Variants in PDPR observed in about 807,000 individuals in gnomAD.
PDPR encodes pyruvate dehydrogenase phosphatase regulatory subunit.
In PDPR, 50 loss-of-function variants were observed where a neutral mutation model predicts 102.2. The observed-to-expected ratio is 0.49, with a 90% confidence interval of 0.39 to 0.62. The LOEUF is 0.62. Ranked by LOEUF, PDPR falls within the 20% of genes least tolerant of loss-of-function variation. The pLI is 0.00. For synonymous variants in PDPR, 259 were observed against 406.0 expected, an observed-to-expected ratio of 0.64 and a Z score of 4.35; for missense variants, 625 against 1,098.2, an observed-to-expected ratio of 0.57 and a Z score of 6.09.
At chr16:70,129,309 A>G (rs534508237) in intron 6 of PDPR, among the ~76,000 whole-genome samples, 187 bp downstream of exon 6, 15 of 152,388 alleles carry the variant, frequency 9.8e-5, no homozygotes, top group Middle Eastern at 6.8e-3. Flanking sequence ...TCAGGGCCAC[A>G]TTTTTAAAGT....
At chr16:70,121,226 A>G (rs539636129) in intron 3 of PDPR, among the ~76,000 whole-genome samples, 1 of 151,976 alleles carries the variant, frequency 6.6e-6, no homozygotes, top group Admixed American at 6.6e-5. Flanking sequence ...TATGCTCTAT[A>G]GGCTTAGTTT....
At chr16:70,116,197 C>G (rs1213226348) in intron 2 of PDPR, among the ~76,000 whole-genome samples, 1 of 145,786 alleles carries the variant, frequency 6.9e-6, no homozygotes, top group African/African-American at 2.5e-5. Context: ...CTGTCTCAGC[C>G]TCCTGAGTAG....
rs777218193 is a variant in PDPR at position 70,156,858 on chromosome 16, G to A, written c.2619G>A (p.Leu873=). ...TQKRRKDDME[L]SDLHGK ...AGCGCCGAAAGGATGACATGGAGCT[G>A]AGTGACTTACATGGGAAGTGATGCC... The change falls in exon 19 of 19, where the codon CTG becomes CTA. Residue 873 remains leucine, a synonymous_variant. Coordinates refer to ENST00000288050, the MANE Select transcript of PDPR (RefSeq NM_017990.5). 1.2e-6 allele frequency: 2 copies of A among 1,613,800 alleles called. No individual in the cohort carries two copies. The highest frequency in any genetic ancestry group is 1.7e-6 in the Non-Finnish European group (2 of 1,179,796).
At position 70,156,560 on chromosome 16, in the gene PDPR, A is replaced by T; in HGVS notation, c.2321A>T (p.Asp774Val). 6.2e-7 allele frequency: 1 copy of T among 1,614,088 alleles called. No homozygotes were observed. Among genetic ancestry groups the T allele is most frequent in the Non-Finnish European group, 8.5e-7 (1 of 1,179,910 alleles). ...CGCCTCACCATGTTCATCCTGGACG[A>T]CCATGATTCAGACCTAGACCTTTGG... ...YKRLTMFILDDHDSDLDLWPW... is the reference protein window; with the variant it reads ...YKRLTMFILDVHDSDLDLWPW... Residue 774 changes from aspartate (D) to valine (V), a missense_variant, in exon 19 of 19, where the codon GAC (aspartate) becomes GTC (valine). By Grantham distance (152) the Asp-to-Val change is radical. Coordinates refer to ENST00000288050, the MANE Select transcript of PDPR (RefSeq NM_017990.5).
chr16:70,149,416 C>G (rs1001822747), intron 17 of PDPR, among the ~76,000 whole-genome samples: 2 of 152,228 alleles, frequency 1.3e-5, no homozygotes, highest in African/African-American at 4.8e-5. Flanking sequence ...CAGGTGCACG[C>G]CACCACGCCT....
At position 70,159,186 on chromosome 16, in the gene PDPR, A is replaced by T. The variant is rs889047388; in HGVS notation, c.*2307A>T. On this transcript the variant is annotated 3_prime_UTR_variant, in exon 19 of 19. Transcript: ENST00000288050. ...GTTAATCTCCAACTAATTACTACAG[A>T]TTGACACGTTTTTAATTAGCTGTCC... is the stretch of plus-strand genomic sequence containing the variant. The T allele has an allele frequency of 4.6e-5, 7 of 152,346 alleles. No homozygotes were observed. Among genetic ancestry groups the T allele is most frequent in the Non-Finnish European group, 7.3e-5 (5 of 68,066 alleles). 9.4% of individuals were successfully genotyped at this position (152,346 alleles called of 1,614,324 possible).
intron 3 of PDPR, among the ~76,000 whole-genome samples, chr16:70,122,273 C>T (rs1963398195): frequency 6.6e-6 from 1 of 152,280 alleles, no homozygotes; most frequent in African/African-American, 2.4e-5. Flanking sequence ...AGGCGCGAGC[C>T]ACCACACCTG....
At chr16:70,152,443 C>T (rs916763086) in intron 17 of PDPR, among the ~76,000 whole-genome samples, 11 of 152,376 alleles carry the variant, frequency 7.2e-5, no homozygotes, top group African/African-American at 2.2e-4. Context: ...CACTTGAACC[C>T]GGGAGTGGAG....
chr16:70,141,288 G>A (rs1318143242), intron 11 of PDPR, among the ~76,000 whole-genome samples: 2 of 152,214 alleles, frequency 1.3e-5, no homozygotes, highest in Admixed American at 6.5e-5. Flanking sequence ...TCCTGACCTC[G>A]TGATCCGCCC....
Position 70,148,546 on chromosome 16 carries a change from C to T in PDPR, c.2045C>T (p.Pro682Leu). 1.4e-5 allele frequency: 23 copies of T among 1,611,290 alleles called. No individual in the cohort carries two copies. Among genetic ancestry groups the T allele is most frequent in the Non-Finnish European group, 2.0e-5 (23 of 1,178,042 alleles). The change falls in exon 17 of 19, where the codon CCC (proline) becomes CTC (leucine). Residue 682 changes from proline (P) to leucine (L), a missense_variant. By Grantham distance (98) the Pro-to-Leu change is moderately conservative (BLOSUM62 -3). Coordinates refer to ENST00000288050, the MANE Select transcript of PDPR (RefSeq NM_017990.5). ...TGEPGFMLYIPIEYALHVYNE... is the reference protein window; with the variant it reads ...TGEPGFMLYILIEYALHVYNE... ...GAGCCAGGATTCATGCTCTACATCC[C>T]CATAGAGGTGAGAGGGCACCCTTCC...
intron 12 of PDPR, 52 bp from the exon 13 acceptor site, chr16:70,142,501 C>G: frequency 6.2e-7 from 1 of 1,613,126 alleles, no homozygotes; most frequent in South Asian, 1.1e-5. Flanking sequence ...GAAAAAGAAC[C>G]ACGTGGACTA....
In PDPR at chr16:70,128,553, C is replaced by T. The variant is rs2549099; in HGVS notation, c.362-231C>T. Among the ~76,000 whole-genome samples the T allele has an allele frequency of 6.6e-5, 10 of 152,346 alleles. No individual in the cohort carries two copies. The East Asian group carries it at 1.2e-3, about 18-fold the overall frequency. ...TAGAATCTCATTTGATCCTCACAAC[C>T]TCACAAAACTGTGAGCTGAGAATGT... is the stretch of plus-strand genomic sequence containing the variant. On this transcript the variant is annotated intron_variant, in intron 4 of 18. Coordinates refer to ENST00000288050, the MANE Select transcript of PDPR (RefSeq NM_017990.5).
Position 70,142,268 on chromosome 16 carries a change from C to T in PDPR, c.1350C>T (p.Asp450=). 1.2e-6 allele frequency: 2 copies of T among 1,614,022 alleles called. No homozygotes were observed. Among genetic ancestry groups the T allele is most frequent in the Middle Eastern group, 1.7e-4 (1 of 6,058 alleles). The change falls in exon 12 of 19, where the codon GAC becomes GAT. Residue 450 remains aspartate (D), a synonymous_variant. Coordinates refer to ENST00000288050, the MANE Select transcript of PDPR (RefSeq NM_017990.5). ...LMYDLKVPRW[D]FQTGRQLRTS... ...ATGATCTGAAGGTTCCCCGCTGGGACTTCCAGACCGGTAGGCAGTTACGCA... is the reference window on the plus strand; with the variant it reads ...ATGATCTGAAGGTTCCCCGCTGGGATTTCCAGACCGGTAGGCAGTTACGCA...
intron 10 of PDPR, among the ~76,000 whole-genome samples, chr16:70,137,447 T>C (rs535223925): frequency 6.6e-6 from 1 of 152,394 alleles, no homozygotes; most frequent in African/African-American, 2.4e-5. Context: ...GTTCCACTTA[T>C]ATGAAGTTGC....
chr16:70,156,156 C>T (rs1189228234), intron 18 of PDPR, among the ~76,000 whole-genome samples: 2 of 152,272 alleles, frequency 1.3e-5, no homozygotes, highest in Non-Finnish European at 2.9e-5. Flanking sequence ...AAGTACTGGA[C>T]TGATAAGGTA....
rs1363966774 is a variant in PDPR at position 70,157,051 on chromosome 16, C to G, written c.*172C>G. 3.4e-6 allele frequency: 3 copies of G among 886,508 alleles called. No homozygotes were observed. Among genetic ancestry groups the G allele is most frequent in the East Asian group, 2.7e-5 (1 of 37,264 alleles). 54.9% of individuals were successfully genotyped at this position (886,508 alleles called of 1,614,324 possible). On this transcript the variant is annotated 3_prime_UTR_variant, in exon 19 of 19. Coordinates refer to ENST00000288050, the MANE Select transcript of PDPR (RefSeq NM_017990.5). ...TACTTTAAACTTTTTTGCTCTGCAGCCTTCCTTGCCCTTCCACCTCCTCCT... is the reference window on the plus strand; with the variant it reads ...TACTTTAAACTTTTTTGCTCTGCAGGCTTCCTTGCCCTTCCACCTCCTCCT...
At chr16:70,125,387 C>CAAAAA (rs1332668163) in intron 3 of PDPR, among the ~76,000 whole-genome samples, 1 of 143,578 alleles carries the variant, frequency 7.0e-6, no homozygotes, top group Non-Finnish European at 1.5e-5. Flanking sequence ...AAAAAACAAA[C>CAAAAA]AAACAAAAAA....
chr16:70,125,193 A>G (rs1321823584), intron 3 of PDPR, among the ~76,000 whole-genome samples: 4 of 152,254 alleles, frequency 2.6e-5, no homozygotes, highest in Non-Finnish European at 5.9e-5. Context: ...CCTGGCCAAC[A>G]TGGCAAAACC....
intron 1 of PDPR, 56 bp downstream of exon 1, chr16:70,114,496 C>A (rs1468515978): frequency 6.6e-6 from 1 of 152,198 alleles, no homozygotes; most frequent in Non-Finnish European, 1.5e-5. Flanking sequence ...GGCCTAAGCG[C>A]CCCGGGACCC....
Sources: allele counts gnomAD v4.1 joint callset (sites outside exome capture counted in the v4.1 genomes callset), GRCh38; gene constraint gnomAD v4.1.1; transcripts MANE v1.5; gene names NCBI Gene and HGNC (gene_info 2026-07-23, HGNC 2026-07-21).